LINGO2: variants seen among roughly 807,000 people sequenced by gnomAD.
LINGO2 encodes the protein leucine-rich repeat and immunoglobulin-like domain-containing nogo receptor-interacting protein 2.
LINGO2 carries 14 observed loss-of-function variants against 30.6 expected under a neutral mutation model. The observed-to-expected ratio is 0.46, with a 90% CI of 0.30 to 0.72. LINGO2 has a LOEUF of 0.72. Ranked by LOEUF, LINGO2 falls within the 30% of genes least tolerant of loss-of-function variation. The pLI is 0.07. For missense variants in LINGO2, 729 were observed against 751.7 expected (o/e 0.97, Z 0.35); for synonymous variants, 317 against 288.5 (o/e 1.10, Z -1.00).
chr9:28,260,334 A>G (rs1822522733), intron 4 of LINGO2, among the ~76,000 whole-genome samples: 1 of 151,664 alleles, frequency 6.6e-6, no homozygotes, highest in African/African-American at 2.4e-5. Context: ...CACCTGCTAA[A>G]GCTTTTCTAT....
intron 4 of LINGO2, among the ~76,000 whole-genome samples, chr9:28,254,364 C>T (rs1278334033): frequency 6.6e-6 from 1 of 151,966 alleles, no homozygotes; most frequent in East Asian, 1.9e-4. Flanking sequence ...CTAAAATGTG[C>T]ACAAAGGTTG....
At chr9:27,998,563 G>A (rs1821783680) in intron 5 of LINGO2, among the ~76,000 whole-genome samples, 1 of 152,184 alleles carries the variant, frequency 6.6e-6, no homozygotes, top group Non-Finnish European at 1.5e-5. Context: ...CAGATCACCT[G>A]AGGCCAGGAA....
intron 4 of LINGO2, among the ~76,000 whole-genome samples, chr9:28,119,605 T>A (rs1286919578): frequency 6.6e-6 from 1 of 152,198 alleles, no homozygotes; most frequent in Non-Finnish European, 1.5e-5. Context: ...TCTTATTAAT[T>A]TTATCAAACC....
intron 4 of LINGO2, among the ~76,000 whole-genome samples, chr9:28,134,234 T>G (rs1288538636): frequency 6.6e-6 from 1 of 151,438 alleles, no homozygotes; most frequent in South Asian, 2.1e-4. Flanking sequence ...ATTTTTCACT[T>G]AGCAGCCACA....
chr9:29,114,177 TA>T, the LINGO2 span, among the ~76,000 whole-genome samples: 38 of 149,910 alleles, frequency 2.5e-4, no homozygotes, highest in Admixed American at 4.7e-4. Context: ...TAATAATATA[TA>T]TATTTTTTTT....
At chr9:28,218,448 C>T (rs994581134) in intron 4 of LINGO2, among the ~76,000 whole-genome samples, 4 of 151,824 alleles carry the variant, frequency 2.6e-5, no homozygotes, top group Non-Finnish European at 5.9e-5. Flanking sequence ...CAGTTCTGTC[C>T]ACATCACCAA....
At chr9:28,939,285 A>T in the LINGO2 span, among the ~76,000 whole-genome samples, 3 of 152,074 alleles carry the variant, frequency 2.0e-5, no homozygotes, top group African/African-American at 7.2e-5. Context: ...CTACTATTCC[A>T]TCTACATTTG....
chr9:29,033,373 CT>C, the LINGO2 span, among the ~76,000 whole-genome samples: 2 of 114,102 alleles, frequency 1.8e-5, no homozygotes, highest in Non-Finnish European at 1.9e-5. Flanking sequence ...TATAAAACTG[CT>C]TTACTATATA....
At chr9:28,172,272 TC>T (rs1042595335) in intron 4 of LINGO2, among the ~76,000 whole-genome samples, 2 of 147,946 alleles carry the variant, frequency 1.4e-5, no homozygotes, top group African/African-American at 4.9e-5. Flanking sequence ...GCGCCTGTAG[TC>T]CCAGCTACTT....
At chr9:28,735,969 CAT>C in the LINGO2 span, among the ~76,000 whole-genome samples, 1 of 130,494 alleles carries the variant, frequency 7.7e-6, no homozygotes, top group South Asian at 2.6e-4. Flanking sequence ...ATGAGGATGT[CAT>C]GTGAAAAATT....
intron 4 of LINGO2, among the ~76,000 whole-genome samples, chr9:28,104,662 T>C (rs779436647): frequency 3.3e-5 from 5 of 152,212 alleles, no homozygotes. Context: ...TGTATTTCTG[T>C]ATGTTTTTTA....
the LINGO2 span, among the ~76,000 whole-genome samples, chr9:28,908,231 GT>G: frequency 6.6e-6 from 1 of 151,696 alleles, no homozygotes; most frequent in South Asian, 2.1e-4. Flanking sequence ...GGCATGGTAT[GT>G]TTTATGCTGA....
the LINGO2 span, among the ~76,000 whole-genome samples, chr9:28,677,808 T>G: frequency 6.6e-6 from 1 of 152,102 alleles, no homozygotes; most frequent in Non-Finnish European, 1.5e-5. Context: ...ATATCATAAT[T>G]CAGGATAGTA....
At chr9:28,627,768 T>C (rs1029266349) in intron 1 of LINGO2, among the ~76,000 whole-genome samples, 2 of 152,024 alleles carry the variant, frequency 1.3e-5, no homozygotes, top group African/African-American at 2.4e-5. Context: ...ATAAAAATAA[T>C]TGTGTAATTA....
the LINGO2 span, among the ~76,000 whole-genome samples, chr9:28,799,248 G>C: frequency 6.6e-6 from 1 of 152,060 alleles, no homozygotes; most frequent in African/African-American, 2.4e-5. Context: ...AATGACCCAG[G>C]TGGCACTGCA....
At chr9:28,182,782 G>C (rs1819400470) in intron 4 of LINGO2, among the ~76,000 whole-genome samples, 1 of 152,158 alleles carries the variant, frequency 6.6e-6, no homozygotes. Context: ...AGTCAGAATG[G>C]CGATTATTAA....
rs149099430 is a variant in LINGO2 at position 28,661,625 on chromosome 9, A to G, written c.-365+8575T>C. 3.3e-3 allele frequency among the ~76,000 whole-genome samples: 510 copies of G among 152,350 alleles called. 5 individuals are homozygous for G. Among genetic ancestry groups the G allele is most frequent in the African/African-American group, 0.011 (475 of 41,586 alleles). ...GGATATAATTCTGTAAACATATTGA[A>G]ACATGAAGTGGCCATGAATATTTCT... On this transcript the variant is annotated intron_variant, in intron 1 of 5. Transcript: ENST00000379992.
chr9:28,431,330 C>T (rs930544929), intron 2 of LINGO2, among the ~76,000 whole-genome samples: 5 of 152,076 alleles, frequency 3.3e-5, no homozygotes, highest in African/African-American at 9.7e-5. Context: ...AACTCAATTT[C>T]TCTGTTTTCC....
intron 1 of LINGO2, among the ~76,000 whole-genome samples, chr9:28,616,240 G>A (rs762767290): frequency 8.6e-5 from 13 of 152,036 alleles, no homozygotes; most frequent in African/African-American, 1.2e-4. Flanking sequence ...AATTATAGTC[G>A]TATAGTTACC....
Sources: allele counts gnomAD v4.1 joint callset (sites outside exome capture counted in the v4.1 genomes callset), GRCh38; gene constraint gnomAD v4.1.1; transcripts MANE v1.5; gene names NCBI Gene and HGNC (gene_info 2026-07-23, HGNC 2026-07-21).